Variants in DTNB observed in about 807,000 individuals in gnomAD.
DTNB encodes dystrobrevin beta.
In DTNB, 63 loss-of-function variants were observed where a neutral mutation model predicts 90.7. That is an observed-to-expected ratio of 0.69 (90% CI 0.57 to 0.86). The LOEUF (loss-of-function observed/expected upper bound fraction) is 0.86. Ranked by LOEUF, DTNB falls within the 40% of genes least tolerant of loss-of-function variation. The pLI is 0.00. For missense variants in DTNB, 744 were observed against 807.1 expected (o/e 0.92, Z 0.95); for synonymous variants, 277 against 286.7 (o/e 0.97, Z 0.34).
intron 9 of DTNB, among the ~76,000 whole-genome samples, chr2:25,526,395 A>ATATATTTTTTT: frequency 0.011 from 572 of 49,806 alleles, 7 homozygotes; most frequent in East Asian, 0.021. Flanking sequence ...ATATATATAT[A>ATATATTTTTTT]TTTTTTTTTT....
intron 9 of DTNB, among the ~76,000 whole-genome samples, chr2:25,510,236 T>A (rs879711683): frequency 6.6e-6 from 1 of 152,100 alleles, no homozygotes; most frequent in East Asian, 1.9e-4. Flanking sequence ...ATTTTTTTTT[T>A]AATTCCTAGT....
intron 1 of DTNB, among the ~76,000 whole-genome samples, chr2:25,658,691 A>G (rs1362863338): frequency 6.6e-6 from 1 of 152,234 alleles, no homozygotes; most frequent in Non-Finnish European, 1.5e-5. Flanking sequence ...TATGACTCCA[A>G]TTTTATGACC....
At chr2:25,528,587 TAG>T in intron 9 of DTNB, among the ~76,000 whole-genome samples, 1 of 152,200 alleles carries the variant, frequency 6.6e-6, no homozygotes, top group East Asian at 1.9e-4. Context: ...GATAACTACA[TAG>T]ACAGTGGACT....
intron 9 of DTNB, among the ~76,000 whole-genome samples, chr2:25,507,475 A>G (rs683662): frequency 0.33 from 49,671 of 151,876 alleles, 9,701 homozygotes; most frequent in African/African-American, 0.54. Context: ...AATCCTCATC[A>G]CCATCCTTCC....
intron 1 of DTNB, among the ~76,000 whole-genome samples, chr2:25,667,832 GT>G (rs1441577289): frequency 6.6e-6 from 1 of 152,178 alleles, no homozygotes; most frequent in Non-Finnish European, 1.5e-5. Flanking sequence ...GTTTATAGCA[GT>G]TTTATTCAAA....
intron 4 of DTNB, among the ~76,000 whole-genome samples, chr2:25,610,124 G>T (rs2068197202): frequency 6.6e-6 from 1 of 151,936 alleles, no homozygotes; most frequent in Non-Finnish European, 1.5e-5. Flanking sequence ...GTCTTGTTTT[G>T]TTTTGAGACA....
Position 25,456,863 on chromosome 2 carries a change from C to T in DTNB, c.1080-1369G>A, listed in dbSNP as rs150380083. 2.7e-3 allele frequency among the ~76,000 whole-genome samples: 404 copies of T among 151,072 alleles called. 4 individuals carry two copies. The highest frequency in any genetic ancestry group is 9.3e-3 in the African/African-American group (383 of 41,154). On this transcript the variant is annotated intron_variant, in intron 10 of 20. Coordinates refer to ENST00000406818, the MANE Select transcript of DTNB (RefSeq NM_021907.5). ...GATTACAGGTGTGAGCCACTGCGCC[C>T]GGCCCCAGTCACCTTTCTGAAGCTC... is the stretch of plus-strand genomic sequence containing the variant.
intron 3 of DTNB, among the ~76,000 whole-genome samples, chr2:25,633,896 C>T (rs1367340268): frequency 2.6e-5 from 4 of 151,762 alleles, no homozygotes; most frequent in Admixed American, 6.6e-5. Flanking sequence ...CGTCTCTGCC[C>T]GGCCGCACCG....
intron 9 of DTNB, among the ~76,000 whole-genome samples, chr2:25,519,582 T>C (rs555623614): frequency 1.3e-5 from 2 of 152,258 alleles, no homozygotes; most frequent in South Asian, 4.1e-4. Context: ...TTTGGAATAT[T>C]TGCATTCTAT....
chr2:25,642,832 C>G (rs890698518), intron 2 of DTNB, among the ~76,000 whole-genome samples: 1 of 151,698 alleles, frequency 6.6e-6, no homozygotes, highest in African/African-American at 2.4e-5. Flanking sequence ...CAGCTCACTG[C>G]AACTTCTGCC....
intron 4 of DTNB, among the ~76,000 whole-genome samples, chr2:25,618,162 C>T (rs1451464943): frequency 6.6e-6 from 1 of 152,144 alleles, no homozygotes; most frequent in Non-Finnish European, 1.5e-5. Context: ...TAACTTCCTA[C>T]AACTGCCTCT....
intron 11 of DTNB, 34 bp downstream of exon 11, chr2:25,455,371 C>T (rs370150037): frequency 5.3e-5 from 82 of 1,554,564 alleles, no homozygotes; most frequent in Admixed American, 2.8e-4. Flanking sequence ...TCTGATCACC[C>T]GTGGCTACCC....
intron 4 of DTNB, among the ~76,000 whole-genome samples, chr2:25,618,094 G>A (rs2071313886): frequency 6.6e-6 from 1 of 152,114 alleles, no homozygotes; most frequent in Non-Finnish European, 1.5e-5. Flanking sequence ...CATCAGCAGT[G>A]ACTCCTCTGC....
intron 10 of DTNB, among the ~76,000 whole-genome samples, chr2:25,480,685 A>T (rs1227358848): frequency 6.6e-6 from 1 of 152,198 alleles, no homozygotes; most frequent in Non-Finnish European, 1.5e-5. Flanking sequence ...GAACTAGTAA[A>T]TGATGAGAAG....
intron 12 of DTNB, among the ~76,000 whole-genome samples, chr2:25,448,817 T>C (rs529215379): frequency 2.0e-5 from 3 of 148,426 alleles, no homozygotes; most frequent in East Asian, 2.0e-4. Flanking sequence ...TCGTGCCACA[T>C]TGCACTCCAA....
chr2:25,589,945 G>C (rs781720966), intron 6 of DTNB, among the ~76,000 whole-genome samples: 177 of 152,236 alleles, frequency 1.2e-3, no homozygotes, highest in Non-Finnish European at 2.2e-3. Context: ...GTGTGAAGGA[G>C]TGTGGGGTCC....
chr2:25,627,308 A>C (rs943260497), intron 4 of DTNB, among the ~76,000 whole-genome samples: 1 of 152,126 alleles, frequency 6.6e-6, no homozygotes, highest in African/African-American at 2.4e-5. Flanking sequence ...GCTACTTGGA[A>C]GGCTGAGGCA....
chr2:25,514,042 CTAATAGGG>C (rs1300225587), intron 9 of DTNB, among the ~76,000 whole-genome samples: 2 of 148,968 alleles, frequency 1.3e-5, no homozygotes, highest in Non-Finnish European at 3.0e-5. Flanking sequence ...AACTTACAGT[CTAATAGGG>C]TAGAGATTAT....
chr2:25,465,930 G>C (rs1447373723), intron 10 of DTNB, among the ~76,000 whole-genome samples: 1 of 152,142 alleles, frequency 6.6e-6, no homozygotes. Context: ...TTTTTACACA[G>C]CTAAATCACC....
Sources: allele counts gnomAD v4.1 joint callset (sites outside exome capture counted in the v4.1 genomes callset), GRCh38; gene constraint gnomAD v4.1.1; transcripts MANE v1.5; gene names NCBI Gene and HGNC (gene_info 2026-07-23, HGNC 2026-07-21).